The following ANKRD33B variants were observed in gnomAD, a reference collection of about 807,000 sequenced individuals.
ANKRD33B encodes ankyrin repeat domain-containing protein 33B.
In ANKRD33B, 6 loss-of-function variants were observed where a neutral mutation model predicts 21.5. The ratio of observed to expected loss-of-function variants is 0.28; its 90% confidence interval spans 0.15 to 0.55. ANKRD33B has a LOEUF of 0.55. Ranked by LOEUF, ANKRD33B falls within the 20% of genes least tolerant of loss-of-function variation. ANKRD33B has a pLI of 0.94. For missense variants in ANKRD33B, 698 were observed against 747.2 expected, an observed-to-expected ratio of 0.93 and a Z score of 0.77; for synonymous variants, 347 against 342.4, an observed-to-expected ratio of 1.01 and a Z score of -0.15.
chr5:10,584,809 G>C (rs1735519633), intron 1 of ANKRD33B, among the ~76,000 whole-genome samples: 1 of 152,198 alleles, frequency 6.6e-6, no homozygotes, highest in Non-Finnish European at 1.5e-5. Flanking sequence ...TCTCAGGAGG[G>C]AGCAAGTGCT....
intron 1 of ANKRD33B, among the ~76,000 whole-genome samples, chr5:10,608,656 C>T (rs1736102949): frequency 7.7e-6 from 1 of 130,104 alleles, no homozygotes; most frequent in Admixed American, 8.8e-5. Flanking sequence ...TTCAAGACCT[C>T]ACTATGAAAA....
chr5:10,650,380 T>G lies in ANKRD33B; in HGVS notation c.*267T>G. 3.5e-6 allele frequency: 1 copy of G among 288,332 alleles called. No homozygotes were observed. Among genetic ancestry groups the G allele is most frequent in the Non-Finnish European group, 6.4e-6 (1 of 156,176 alleles). The allele number at this position is 288,332 out of a possible 1,614,324, so 17.9% of individuals were successfully genotyped here. On this transcript the variant is annotated 3_prime_UTR_variant, in exon 4 of 4. Transcript: ENST00000296657. ...AAGGCTCCCTTTAGAGAACCTCAAT[T>G]AAGATTTTTTTTAAAGATCAATTTA...
rs1384963744 is a variant in ANKRD33B, at chr5:10,654,807, A to G, written c.*4694A>G. 6.6e-6 allele frequency: 1 copy of G among 152,502 alleles called. No homozygotes were observed. The highest frequency in any genetic ancestry group is 1.5e-5 in the Non-Finnish European group (1 of 68,062). 9.4% of individuals were successfully genotyped at this position (152,502 alleles called of 1,614,324 possible). On this transcript the variant is annotated 3_prime_UTR_variant, in exon 4 of 4. Coordinates refer to ENST00000296657, the MANE Select transcript of ANKRD33B (RefSeq NM_001164440.2). ...TGGAGCACGTGAACTAAGAGTGACAATTTTTTCTACTTGCTTCTGTGAATA... is the reference window on the plus strand; with the variant it reads ...TGGAGCACGTGAACTAAGAGTGACAGTTTTTTCTACTTGCTTCTGTGAATA...
rs573721701 is a variant in ANKRD33B at position 10,647,442 on chromosome 5, A to T, written c.638-1824A>T. On this transcript the variant is annotated intron_variant, in intron 3 of 3. Coordinates refer to ENST00000296657, the MANE Select transcript of ANKRD33B (RefSeq NM_001164440.2). ...ATTTTTAACAGTATGTGGGACTGAG[A>T]TTGGACCAAGATTAATTGAACAGCA... Among the ~76,000 whole-genome samples the T allele has an allele frequency of 5.3e-5, 8 of 152,284 alleles. No homozygotes were observed. In the East Asian group the frequency reaches 1.5e-3, roughly 29 times the overall value.
At chr5:10,571,389 A>G (rs1461216032) in intron 1 of ANKRD33B, among the ~76,000 whole-genome samples, 1 of 152,022 alleles carries the variant, frequency 6.6e-6, no homozygotes, top group Non-Finnish European at 1.5e-5. Context: ...TTGAGTAGAG[A>G]TGGAGTTTCG....
At chr5:10,637,110 C>T (rs1736884990) in intron 2 of ANKRD33B, among the ~76,000 whole-genome samples, 1 of 152,098 alleles carries the variant, frequency 6.6e-6, no homozygotes, top group South Asian at 2.1e-4. Context: ...TGTATTCACA[C>T]AAGGACTTAT....
chr5:10,595,333 T>TG (rs368503743), intron 1 of ANKRD33B, among the ~76,000 whole-genome samples: 195 of 152,216 alleles, frequency 1.3e-3, no homozygotes, highest in African/African-American at 4.5e-3. Flanking sequence ...CTCACAATTC[T>TG]GGGGGGCAGA....
At chr5:10,586,484 ACTGTGTGTGT>A (rs1251970620) in intron 1 of ANKRD33B, among the ~76,000 whole-genome samples, 1 of 74,452 alleles carries the variant, frequency 1.3e-5, no homozygotes. Flanking sequence ...GGTTCTTGTA[ACTGTGTGTGT>A]GTGTGTGTGT....
chr5:10,641,628 C>G (rs1012552647), intron 3 of ANKRD33B, among the ~76,000 whole-genome samples: 1 of 151,952 alleles, frequency 6.6e-6, no homozygotes, highest in Non-Finnish European at 1.5e-5. Flanking sequence ...AGTCTGAGCC[C>G]GTCTGTTGTT....
At chr5:10,645,412 C>T (rs1306800719) in intron 3 of ANKRD33B, among the ~76,000 whole-genome samples, 1 of 152,216 alleles carries the variant, frequency 6.6e-6, no homozygotes, top group African/African-American at 2.4e-5. Context: ...CCATGGCTCC[C>T]AGAGAAAGCC....
At chr5:10,597,527 C>T (rs1170642002) in intron 1 of ANKRD33B, among the ~76,000 whole-genome samples, 1 of 152,150 alleles carries the variant, frequency 6.6e-6, no homozygotes, top group Non-Finnish European at 1.5e-5. Context: ...TACAGGGGCA[C>T]CCAGATTCAT....
At chr5:10,587,198 A>G (rs1429757687) in intron 1 of ANKRD33B, among the ~76,000 whole-genome samples, 1 of 152,050 alleles carries the variant, frequency 6.6e-6, no homozygotes, top group Non-Finnish European at 1.5e-5. Context: ...TATTTTTAGT[A>G]GAGATGGGGT....
chr5:10,594,058 C>T (rs1032610805), intron 1 of ANKRD33B, among the ~76,000 whole-genome samples: 3 of 152,104 alleles, frequency 2.0e-5, no homozygotes, highest in African/African-American at 7.2e-5. Flanking sequence ...GATTTTCTCT[C>T]CTCTCCAAGG....
rs191024900 is a variant in ANKRD33B at position 10,650,286 on chromosome 5, G to A, written c.*173G>A. On this transcript the variant is annotated 3_prime_UTR_variant, in exon 4 of 4. Coordinates refer to ENST00000296657, the MANE Select transcript of ANKRD33B (RefSeq NM_001164440.2). ...AGGCTGCTTCCAAGAGAGGGCTGAG[G>A]GAGCCACATGGATTCGCTTGTCGCC... The A allele has an allele frequency of 1.8e-3, 1,167 of 645,836 alleles. 3 individuals are homozygous for A. The highest frequency in any genetic ancestry group is 2.6e-3 in the South Asian group (59 of 22,392). 40.0% of individuals were successfully genotyped at this position (645,836 alleles called of 1,614,324 possible).
rs551159875 is a variant in ANKRD33B at position 10,619,993 on chromosome 5, G to A, written c.496+1531G>A. ...GAGCCGGGCAGTTCTCAGGAATGGC[G>A]AGTCTTAGGGACAGTGTAGGTGGGC... On this transcript the variant is annotated intron_variant, in intron 2 of 3. Coordinates refer to ENST00000296657, the MANE Select transcript of ANKRD33B (RefSeq NM_001164440.2). The surrounding 1 kb of genome is among the most constrained non-coding windows in gnomAD (Gnocchi z 4.5). Among the ~76,000 whole-genome samples, 13 of 152,260 alleles carry A rather than the reference G, an allele frequency of 8.5e-5. No individual in the cohort carries two copies. Among genetic ancestry groups the A allele is most frequent in the African/African-American group, 2.9e-4 (12 of 41,552 alleles).
At chr5:10,631,867 T>C (rs766442802) in intron 2 of ANKRD33B, among the ~76,000 whole-genome samples, 2 of 152,192 alleles carry the variant, frequency 1.3e-5, no homozygotes, top group Non-Finnish European at 2.9e-5. Flanking sequence ...TCCAAAGCCA[T>C]GGCCAGTGTC....
intron 1 of ANKRD33B, among the ~76,000 whole-genome samples, chr5:10,580,911 C>T (rs1735430709): frequency 6.6e-6 from 1 of 152,126 alleles, no homozygotes; most frequent in Non-Finnish European, 1.5e-5. Flanking sequence ...ACCAACCCAA[C>T]ACTCCAAACT....
chr5:10,573,782 A>G (rs1430691593), intron 1 of ANKRD33B, among the ~76,000 whole-genome samples: 1 of 152,208 alleles, frequency 6.6e-6, no homozygotes, highest in East Asian at 1.9e-4. Context: ...GCAAGGGGGA[A>G]TCTGCCCCCA....
intron 1 of ANKRD33B, among the ~76,000 whole-genome samples, chr5:10,597,296 C>T (rs1735839527): frequency 6.6e-6 from 1 of 152,162 alleles, no homozygotes; most frequent in African/African-American, 2.4e-5. Context: ...TCAAGAGACT[C>T]ATCTCACATG....
Sources: gnomAD v4.1 joint callset for allele counts (sites outside exome capture counted in the v4.1 genomes callset) on GRCh38, gnomAD v4.1.1 for gene constraint, Gnocchi (gnomAD v3.1) non-coding constraint, MANE v1.5 for transcripts, NCBI Gene and HGNC (gene_info 2026-07-23, HGNC 2026-07-21) for gene names.